Variants in PARPBP observed in about 807,000 individuals in gnomAD.
PARPBP encodes PARP1 binding protein.
In PARPBP, 52 loss-of-function variants were observed where a neutral mutation model predicts 50.0. The ratio of observed to expected loss-of-function variants is 1.04; its 90% CI spans 0.83 to 1.31. The LOEUF is 1.31. PARPBP is among the 50% of genes most tolerant of loss of function. The probability of loss-of-function intolerance (pLI) is 0.00; values close to 1 mark genes in which losing one functional copy is unlikely to be tolerated. For synonymous variants in PARPBP, 244 were observed against 232.1 expected, an observed-to-expected ratio of 1.05 and a Z score of -0.47; for missense variants, 697 against 672.0, an observed-to-expected ratio of 1.04 and a Z score of -0.41.
rs1186321456 is a variant in PARPBP at position 102,175,534 on chromosome 12, C to G, written c.873C>G (p.Gly291=). 2 of 1,613,300 alleles carry G rather than the reference C, an allele frequency of 1.2e-6. No homozygotes were observed. The highest frequency in any genetic ancestry group is 1.7e-6 in the Non-Finnish European group (2 of 1,179,530). The change falls in exon 7 of 11, where the codon GGC becomes GGG. Residue 291 remains glycine (G), a synonymous_variant. Transcript: ENST00000327680. The stretch of plus-strand genomic sequence containing the variant: ...TGATAAAGATGCAACTGATTAAAGG[C>G]CAAAACAGCAGGGATCCTTTTTGCA... ...LSVIKMQLIK[G]QNSRDPFCKA...
At position 102,184,046 on chromosome 12, in the gene PARPBP, G is replaced by GAAAA. The variant is rs71438459; in HGVS notation, c.1263+1436_1263+1439dup. Among the ~76,000 whole-genome samples the GAAAA allele has an allele frequency of 6.4e-3, 380 of 59,460 alleles. 12 individuals are homozygous for GAAAA. Among genetic ancestry groups the GAAAA allele is most frequent in the Non-Finnish European group, 7.0e-3 (226 of 32,446 alleles). The allele number at this position is 59,460 out of a possible 152,430, so 39.0% of individuals were successfully genotyped here. A position where few individuals can be genotyped will look rare whatever the true frequency, so the allele number is the denominator to read the frequency against. On this transcript the variant is annotated intron_variant, in intron 9 of 10. Coordinates refer to ENST00000327680, the MANE Select transcript of PARPBP (RefSeq NM_017915.5). ...TGGGTGACAAAATGAGACTCTATCT[G>GAAAA]AAAAAAAAAAAAAAAAAAAAGAAAG...
chr12:102,177,329 C>A (rs892230727), intron 7 of PARPBP, among the ~76,000 whole-genome samples: 7 of 152,134 alleles, frequency 4.6e-5, no homozygotes, highest in Non-Finnish European at 1.0e-4. Flanking sequence ...TGTCCAGCAA[C>A]CCTCTGGGTT....
intron 2 of PARPBP, among the ~76,000 whole-genome samples, chr12:102,139,408 T>C (rs985148060): frequency 2.6e-5 from 4 of 152,244 alleles, no homozygotes; most frequent in Non-Finnish European, 4.4e-5. Context: ...TTTCTAAATA[T>C]ACAATAATGT....
At chr12:102,178,269 A>T (rs980553581) in intron 7 of PARPBP, among the ~76,000 whole-genome samples, 9 of 152,202 alleles carry the variant, frequency 5.9e-5, no homozygotes, top group African/African-American at 2.2e-4. Context: ...GAGAAAAAAT[A>T]AATAGAGATG....
intron 2 of PARPBP, among the ~76,000 whole-genome samples, chr12:102,143,961 A>T (rs1885014921): frequency 6.6e-6 from 1 of 151,966 alleles, no homozygotes; most frequent in African/African-American, 2.4e-5. Context: ...ATTGTATTGC[A>T]TTTTATCACC....
rs574980586 is a variant in PARPBP, at chr12:102,135,977, T to G, written c.153+11936T>G. On this transcript the variant is annotated intron_variant, in intron 2 of 10. Coordinates refer to ENST00000327680, the MANE Select transcript of PARPBP (RefSeq NM_017915.5). ...TGTGAGATACCATTCTACTGAGTCT[T>G]AAATCCAGTATGATCATCTTTACCT... Among the ~76,000 whole-genome samples the G allele has an allele frequency of 8.5e-4, 130 of 152,362 alleles. No individual in the cohort carries two copies. The Middle Eastern group carries it at 0.01, about 12-fold the overall frequency.
At chr12:102,144,080 C>A (rs1303095509) in intron 2 of PARPBP, among the ~76,000 whole-genome samples, 1 of 152,150 alleles carries the variant, frequency 6.6e-6, no homozygotes, top group East Asian at 1.9e-4. Context: ...TGTGTAATCT[C>A]ATTTTATAAC....
intron 9 of PARPBP, among the ~76,000 whole-genome samples, chr12:102,189,692 G>A (rs1890622128): frequency 6.6e-6 from 1 of 152,120 alleles, no homozygotes. Flanking sequence ...TTGCCTTGCT[G>A]TTGTAAAGAG....
intron 1 of PARPBP, 127 bp downstream of exon 1, chr12:102,120,413 T>C (rs1880811288): frequency 2.2e-6 from 1 of 455,896 alleles, no homozygotes; most frequent in Non-Finnish European, 4.4e-6. Flanking sequence ...CGAAGTATTA[T>C]GGTGCAGTGA....
chr12:102,151,567 C>G (rs776541026), intron 3 of PARPBP: 1 of 1,533,878 alleles, frequency 6.5e-7, no homozygotes, highest in South Asian at 1.2e-5. Flanking sequence ...ATCTACCTGG[C>G]AGGGGTCAAC....
chr12:102,154,785 G>A (rs1040605118), intron 4 of PARPBP: 30 of 437,878 alleles, frequency 6.9e-5, no homozygotes, highest in African/African-American at 4.7e-4. Context: ...GAAAATTTGC[G>A]TTTGTAAAGG....
chr12:102,183,598 A>G (rs1279605086), intron 9 of PARPBP, among the ~76,000 whole-genome samples: 5 of 152,218 alleles, frequency 3.3e-5, no homozygotes, highest in African/African-American at 1.2e-4. Context: ...TCATATTAAT[A>G]TAAGTATTTG....
Position 102,182,599 on chromosome 12 carries a change from G to A in PARPBP, c.1235G>A (p.Cys412Tyr). The A allele has an allele frequency of 6.2e-7, 1 of 1,611,364 alleles. No homozygotes were observed. Among genetic ancestry groups the A allele is most frequent in the Non-Finnish European group, 8.5e-7 (1 of 1,178,288 alleles). Residue 412 changes from cysteine (C) to tyrosine (Y), a missense_variant, in exon 9 of 11, where the codon TGT becomes TAT. Coordinates refer to ENST00000327680, the MANE Select transcript of PARPBP (RefSeq NM_017915.5). ...NSIKPLRERI[C>Y]VSMQEKKIKM... Reference sequence around the variant, plus strand: ...ATAAAACCCCTAAGAGAACGCATCTGTGTGTCAATGCAAGAGAAAAAAATT... The same window carrying A: ...ATAAAACCCCTAAGAGAACGCATCTATGTGTCAATGCAAGAGAAAAAAATT...
intron 4 of PARPBP, among the ~76,000 whole-genome samples, chr12:102,162,076 C>CA (rs1032639887): frequency 6.6e-6 from 1 of 151,976 alleles, no homozygotes; most frequent in Non-Finnish European, 1.5e-5. Flanking sequence ...TTGTTTTTTG[C>CA]ATGGGAACTT....
intron 2 of PARPBP, among the ~76,000 whole-genome samples, chr12:102,135,403 G>A (rs2137682823): frequency 6.6e-6 from 1 of 152,044 alleles, no homozygotes; most frequent in East Asian, 1.9e-4. Context: ...GAATTAGCCG[G>A]GTGTGGTGGC....
chr12:102,166,535 G>A (rs984360250), intron 6 of PARPBP, among the ~76,000 whole-genome samples: 2 of 152,076 alleles, frequency 1.3e-5, no homozygotes, highest in African/African-American at 4.8e-5. Flanking sequence ...CTTGTTACAT[G>A]TCAGACATTG....
At chr12:102,132,210 CAAA>C (rs202066385) in intron 2 of PARPBP, among the ~76,000 whole-genome samples, 9 of 104,280 alleles carry the variant, frequency 8.6e-5, no homozygotes, top group Middle Eastern at 5.8e-3. Context: ...GACCCTGTCT[CAAA>C]AAAAAAAAAA....
intron 4 of PARPBP, among the ~76,000 whole-genome samples, chr12:102,158,435 G>C (rs974707848): frequency 2.6e-5 from 4 of 152,154 alleles, no homozygotes; most frequent in Non-Finnish European, 4.4e-5. Flanking sequence ...TGCTAAAATA[G>C]AGGAAGCTGC....
chr12:102,151,871 C>A, intron 3 of PARPBP: 1 of 1,166,182 alleles, frequency 8.6e-7, no homozygotes, highest in Non-Finnish European at 1.2e-6. Flanking sequence ...ACTGTCCAAG[C>A]TGAGAAGAAG....
Sources: allele counts gnomAD v4.1 joint callset (sites outside exome capture counted in the v4.1 genomes callset), GRCh38; gene constraint gnomAD v4.1.1; transcripts MANE v1.5; gene names NCBI Gene and HGNC (gene_info 2026-07-23, HGNC 2026-07-21).